The following LSM2 variants were observed in gnomAD, a reference collection of about 807,000 sequenced individuals.
LSM2 encodes the protein LSM2 homolog, U6 small nuclear RNA and mRNA degradation associated, also known as U6 snRNA-associated Sm-like protein LSm2.
Under a neutral mutation model 17.0 loss-of-function variants are expected in LSM2, and 12 were observed. The ratio of observed to expected loss-of-function variants is 0.70; its 90% CI spans 0.45 to 1.14. The LOEUF is 1.14. LSM2 is among the 50% of genes most tolerant of loss of function. LSM2 has a pLI of 0.00. For missense variants in LSM2, 62 were observed against 111.8 expected, an observed-to-expected ratio of 0.55 and a Z score of 2.01; for synonymous variants, 42 against 44.5, an observed-to-expected ratio of 0.94 and a Z score of 0.22.
At chr6:31,802,091 C>G (rs1016406633) in intron 2 of LSM2, among the ~76,000 whole-genome samples, 2 of 151,622 alleles carry the variant, frequency 1.3e-5, no homozygotes, top group African/African-American at 4.9e-5. Flanking sequence ...ACCAGCCTGA[C>G]GAAGATGGTG....
intron 2 of LSM2, 137 bp downstream of exon 2, chr6:31,805,938 G>C: frequency 1.3e-6 from 1 of 741,134 alleles, no homozygotes; most frequent in East Asian, 2.7e-5. Flanking sequence ...TTACAGGCTT[G>C]AGCCACTGCA....
At chr6:31,801,532 C>T (rs1814704071) in intron 2 of LSM2, among the ~76,000 whole-genome samples, 1 of 152,188 alleles carries the variant, frequency 6.6e-6, no homozygotes, top group Non-Finnish European at 1.5e-5. Context: ...TGGTGGCTCA[C>T]ACCTGTGATC....
intron 2 of LSM2, among the ~76,000 whole-genome samples, chr6:31,804,685 C>T (rs960921473): frequency 2.0e-5 from 3 of 152,066 alleles, no homozygotes; most frequent in African/African-American, 7.2e-5. Flanking sequence ...CCTCGTGATC[C>T]ACCCGCCTCA....
intron 2 of LSM2, among the ~76,000 whole-genome samples, chr6:31,802,047 C>G (rs559762290): frequency 6.6e-6 from 1 of 151,174 alleles, no homozygotes; most frequent in South Asian, 2.1e-4. Context: ...TTTGGGAGGC[C>G]GAGGCAGGTG....
Position 31,797,556 on chromosome 6 carries a change from C to A in LSM2, c.*201G>T. ...CTGGGAAGGCTTTGAAGTTTCCCAG[C>A]CTACTTATCCTCCCCTTCTCAAGAG... On this transcript the variant is annotated 3_prime_UTR_variant, in exon 5 of 5. Coordinates refer to ENST00000375661, the MANE Select transcript of LSM2 (RefSeq NM_021177.5). 1 of 690,622 alleles carries A rather than the reference C, an allele frequency of 1.4e-6. No individual in the cohort carries two copies. Among genetic ancestry groups the A allele is most frequent in the Non-Finnish European group, 2.4e-6 (1 of 423,640 alleles). 42.8% of individuals were successfully genotyped at this position (690,622 alleles called of 1,614,324 possible).
At chr6:31,805,900 CCTT>C (rs1247403361) in intron 2 of LSM2, among the ~76,000 whole-genome samples, 172 bp downstream of exon 2, 2 of 152,158 alleles carry the variant, frequency 1.3e-5, no homozygotes, top group Non-Finnish European at 2.9e-5. Flanking sequence ...AAGCTTTCCT[CCTT>C]CCTCAGCCTC....
chr6:31,799,886 T>G (rs1009910311), intron 2 of LSM2, among the ~76,000 whole-genome samples: 3 of 150,662 alleles, frequency 2.0e-5, no homozygotes, highest in Non-Finnish European at 4.5e-5. Context: ...GAGAGAATGG[T>G]GCAAAAATTT....
intron 1 of LSM2, chr6:31,806,417 C>G (rs948140239): frequency 3.3e-6 from 2 of 601,422 alleles, no homozygotes; most frequent in Admixed American, 3.0e-5. Context: ...GACCACCTTT[C>G]TCGGGTACCT....
chr6:31,801,130 C>T (rs1814674749), intron 2 of LSM2, among the ~76,000 whole-genome samples: 1 of 141,620 alleles, frequency 7.1e-6, no homozygotes, highest in African/African-American at 2.7e-5. Flanking sequence ...AAGATCATGC[C>T]ACTGCATTCC....
chr6:31,802,361 C>A (rs1485684079), intron 2 of LSM2, among the ~76,000 whole-genome samples: 1 of 152,032 alleles, frequency 6.6e-6, no homozygotes, highest in Non-Finnish European at 1.5e-5. Flanking sequence ...CTTTGGGAGG[C>A]CGAGGTGGGC....
At position 31,798,416 on chromosome 6, in the gene LSM2, A is replaced by G. The variant is rs2151443097; in HGVS notation, c.102+61T>C. 8 of 1,597,800 alleles carry G rather than the reference A, an allele frequency of 5.0e-6. No individual in the cohort carries two copies. The South Asian group carries it at 7.7e-5, about 15-fold the overall frequency. On this transcript the variant is annotated intron_variant, in intron 3 of 4. Transcript: ENST00000375661. ...CCTAGAGACATGATGTAAGAACCCA[A>G]CCCTTAAGTCTCCCCTCTCCTTCTC...
rs771567458 is a variant in LSM2, at chr6:31,806,790, G to A, written c.-33C>T. The A allele has an allele frequency of 3.7e-6, 6 of 1,607,228 alleles. No homozygotes were observed. The highest frequency in any genetic ancestry group is 4.2e-6 in the Non-Finnish European group (5 of 1,177,884). ...GCGCCGCGGGCAGCGGGCCGGACCG[G>A]GAAGACAGCAGGGTGCTGCGAGCAG... On this transcript the variant is annotated 5_prime_UTR_variant, in exon 1 of 5. Transcript: ENST00000375661.
Position 31,806,899 on chromosome 6 carries a change from A to C in LSM2, c.-142T>G. On this transcript the variant is annotated 5_prime_UTR_variant, in exon 1 of 5. Coordinates refer to ENST00000375661, the MANE Select transcript of LSM2 (RefSeq NM_021177.5). ...AGCGGGAAGCGACGCAGAAAGCTCCAAGCGCTGACGGGCAAAGCGCGGCCG... is the reference window on the plus strand; with the variant it reads ...AGCGGGAAGCGACGCAGAAAGCTCCCAGCGCTGACGGGCAAAGCGCGGCCG... The C allele has an allele frequency of 3.4e-6, 4 of 1,166,264 alleles. No individual in the cohort carries two copies. Among genetic ancestry groups the C allele is most frequent in the Non-Finnish European group, 3.5e-6 (3 of 848,770 alleles). 72.2% of individuals were successfully genotyped at this position (1,166,264 alleles called of 1,614,324 possible).
chr6:31,799,995 A>G (rs1324835562), intron 2 of LSM2, among the ~76,000 whole-genome samples: 1 of 152,196 alleles, frequency 6.6e-6, no homozygotes, highest in Non-Finnish European at 1.5e-5. Flanking sequence ...GCTGGAGAAC[A>G]GCCCAGACAA....
At chr6:31,804,408 G>C (rs894280273) in intron 2 of LSM2, among the ~76,000 whole-genome samples, 2 of 151,724 alleles carry the variant, frequency 1.3e-5, no homozygotes, top group African/African-American at 4.8e-5. Context: ...TCATATTTCA[G>C]TTGTGTCACT....
intron 2 of LSM2, among the ~76,000 whole-genome samples, 193 bp downstream of exon 2, chr6:31,805,882 C>G (rs574712319): frequency 2.0e-5 from 3 of 151,910 alleles, no homozygotes; most frequent in South Asian, 2.1e-4. Context: ...CCTCAAACTC[C>G]TGGGCTCAAG....
intron 3 of LSM2, 116 bp downstream of exon 3, chr6:31,798,361 C>CG: frequency 2.4e-6 from 3 of 1,273,216 alleles, no homozygotes; most frequent in Non-Finnish European, 3.3e-6. Context: ...CGTGAGCCAC[C>CG]GTGCCTGGCC....
intron 2 of LSM2, among the ~76,000 whole-genome samples, chr6:31,803,398 A>C (rs1428695577): frequency 6.6e-6 from 1 of 152,026 alleles, no homozygotes; most frequent in African/African-American, 2.4e-5. Flanking sequence ...GCATGGTGGC[A>C]TATAGCCCCA....
intron 2 of LSM2, among the ~76,000 whole-genome samples, chr6:31,803,420 G>A (rs935066044): frequency 6.6e-6 from 1 of 152,050 alleles, no homozygotes; most frequent in African/African-American, 2.4e-5. Flanking sequence ...CTATTCAGGA[G>A]GCTGAGTGAG....
Sources: allele counts gnomAD v4.1 joint callset (sites outside exome capture counted in the v4.1 genomes callset), GRCh38; gene constraint gnomAD v4.1.1; transcripts MANE v1.5; gene names NCBI Gene and HGNC (gene_info 2026-07-23, HGNC 2026-07-21).